The following PIK3CB variants were observed in gnomAD, a reference collection of about 807,000 sequenced individuals.
PIK3CB encodes phosphatidylinositol-4,5-bisphosphate 3-kinase catalytic subunit beta.
Under a neutral mutation model 136.8 loss-of-function variants are expected in PIK3CB, and 39 were observed. That is an observed-to-expected ratio of 0.29 (90% CI 0.22 to 0.37). PIK3CB has a LOEUF of 0.37. PIK3CB is among the 10% of genes least tolerant of loss of function. The pLI is 1.00. For missense variants in PIK3CB, 868 were observed against 1,275.4 expected, an observed-to-expected ratio of 0.68 and a Z score of 4.87; for synonymous variants, 428 against 436.6, an observed-to-expected ratio of 0.98 and a Z score of 0.25.
In PIK3CB at chr3:138,804,322, T is replaced by C. The variant is rs374416990; in HGVS notation, c.-121-7755A>G. Among the ~76,000 whole-genome samples, 5 of 152,076 alleles carry C rather than the reference T, an allele frequency of 3.3e-5. No individual in the cohort carries two copies. In the South Asian group the frequency reaches 1.0e-3, roughly 32 times the overall value. ...TGAGCCCAGGAGTTCAAGACCAGCCTGGGCAACAGAGCAAGAGCCCCTCTC... is the reference window on the plus strand; with the variant it reads ...TGAGCCCAGGAGTTCAAGACCAGCCCGGGCAACAGAGCAAGAGCCCCTCTC... On this transcript the variant is annotated intron_variant, in intron 1 of 23. Coordinates refer to ENST00000674063, the MANE Select transcript of PIK3CB (RefSeq NM_006219.3).
At chr3:138,678,866 G>C (rs2108468573) in intron 19 of PIK3CB, among the ~76,000 whole-genome samples, 1 of 152,192 alleles carries the variant, frequency 6.6e-6, no homozygotes, top group Admixed American at 6.5e-5. Flanking sequence ...AGTAGTTCGA[G>C]ACCAGCCTGG....
At chr3:138,732,720 GAAA>G (rs68137286) in intron 8 of PIK3CB, among the ~76,000 whole-genome samples, 2 of 109,298 alleles carry the variant, frequency 1.8e-5, no homozygotes, top group South Asian at 2.9e-4. Flanking sequence ...GGAAAGAAAA[GAAA>G]AAAAAAAAAA....
In PIK3CB at chr3:138,744,052, T is replaced by C. The variant is rs528066612; in HGVS notation, c.398-1271A>G. Among the ~76,000 whole-genome samples the C allele has an allele frequency of 2.0e-5, 3 of 152,262 alleles. No homozygotes were observed. In the East Asian group the frequency reaches 5.8e-4, roughly 29 times the overall value. ...CTGATTAGAAAAAAAGAAAATGTTATTAAATAAATCACAAAGAAGTGAAAA... is the reference window on the plus strand; with the variant it reads ...CTGATTAGAAAAAAAGAAAATGTTACTAAATAAATCACAAAGAAGTGAAAA... On this transcript the variant is annotated intron_variant, in intron 4 of 23. Transcript: ENST00000674063.
rs2108417739 is a variant in PIK3CB, at chr3:138,663,978, G to A, written c.2724C>T (p.Tyr908=). The change falls in exon 21 of 24, where the codon TAC becomes TAT. Residue 908 remains tyrosine, a synonymous_variant. Coordinates refer to ENST00000674063, the MANE Select transcript of PIK3CB (RefSeq NM_006219.3). ...IEEFTLSCAG[Y]CVASYVLGIG... ...TCCCAAGGACATAAGAAGCTACACA[G>A]TAGCCAGCACAGGACAGTGTAAATT... 6.2e-7 allele frequency: 1 copy of A among 1,614,060 alleles called. No homozygotes were observed.
chr3:138,771,422 G>A (rs1000940504), intron 2 of PIK3CB, among the ~76,000 whole-genome samples: 6 of 151,968 alleles, frequency 3.9e-5, no homozygotes, highest in African/African-American at 1.2e-4. Context: ...GATTTCACGT[G>A]TTAGCCAGGA....
chr3:138,679,723 T>C (rs998961344), intron 19 of PIK3CB, among the ~76,000 whole-genome samples: 3 of 150,420 alleles, frequency 2.0e-5, no homozygotes, highest in African/African-American at 4.9e-5. Context: ...GCTGGGACTA[T>C]AGGCACATGC....
intron 9 of PIK3CB, among the ~76,000 whole-genome samples, chr3:138,713,163 G>T (rs78528619): frequency 0.031 from 4,708 of 150,624 alleles, 251 homozygotes; most frequent in African/African-American, 0.11. Context: ...GTCATTAAAA[G>T]TTATTTTACT....
intron 1 of PIK3CB, among the ~76,000 whole-genome samples, chr3:138,829,512 G>A (rs1389788761): frequency 6.6e-6 from 1 of 152,128 alleles, no homozygotes; most frequent in Non-Finnish European, 1.5e-5. Flanking sequence ...TGTGCTCAAG[G>A]ATTGGCTGAG....
intron 4 of PIK3CB, among the ~76,000 whole-genome samples, chr3:138,750,925 G>A (rs1210887609): frequency 1.3e-5 from 2 of 152,052 alleles, no homozygotes; most frequent in African/African-American, 2.4e-5. Context: ...TATCACCCAC[G>A]GTCACTGGTA....
chr3:138,798,639 T>A (rs1285864285), intron 1 of PIK3CB, among the ~76,000 whole-genome samples: 2 of 152,146 alleles, frequency 1.3e-5, no homozygotes, highest in Non-Finnish European at 2.9e-5. Flanking sequence ...TATTTAAAAG[T>A]ATTTCTAACT....
intron 5 of PIK3CB, among the ~76,000 whole-genome samples, chr3:138,742,249 T>C (rs890988867): frequency 7.2e-5 from 11 of 152,200 alleles, no homozygotes; most frequent in Non-Finnish European, 1.0e-4. Context: ...CTTTTAAACA[T>C]CCCTTTACAA....
At chr3:138,731,219 C>A (rs1250176471) in intron 8 of PIK3CB, among the ~76,000 whole-genome samples, 1 of 151,958 alleles carries the variant, frequency 6.6e-6, no homozygotes, top group Non-Finnish European at 1.5e-5. Context: ...AGACCAGTAC[C>A]TTTTTTCTTA....
chr3:138,724,279 A>G (rs1326515898), intron 8 of PIK3CB, among the ~76,000 whole-genome samples: 1 of 152,232 alleles, frequency 6.6e-6, no homozygotes, highest in Non-Finnish European at 1.5e-5. Flanking sequence ...AGGATATTAC[A>G]AAGGATAGAA....
chr3:138,797,296 T>G (rs913405788), intron 1 of PIK3CB: 2 of 152,146 alleles, frequency 1.3e-5, no homozygotes, highest in Admixed American at 6.6e-5. Flanking sequence ...CATAAAAACA[T>G]TTTAAAATAA....
intron 16 of PIK3CB, among the ~76,000 whole-genome samples, chr3:138,687,947 C>T (rs1414110736): frequency 6.6e-6 from 1 of 151,964 alleles, no homozygotes; most frequent in Admixed American, 6.6e-5. Flanking sequence ...TTTCAGGGTT[C>T]TATAAAATTC....
intron 8 of PIK3CB, among the ~76,000 whole-genome samples, chr3:138,729,979 T>TA (rs2044934966): frequency 6.6e-6 from 1 of 152,188 alleles, no homozygotes; most frequent in Non-Finnish European, 1.5e-5. Context: ...AAGAAAGATG[T>TA]AAAGCTGCCA....
rs1057081814 is a variant in PIK3CB, at chr3:138,654,243, T to C, written c.*1146A>G. 1 of 214,344 alleles carries C rather than the reference T, an allele frequency of 4.7e-6. No homozygotes were observed. The highest frequency in any genetic ancestry group is 5.8e-5 in the Admixed American group (1 of 17,118). 13.3% of individuals were successfully genotyped at this position (214,344 alleles called of 1,614,324 possible). ...TGCCAGGACTCAGAGAGATCACCCATTTACACATTCAAACCAGTAGTTCCT... is the reference window on the plus strand; with the variant it reads ...TGCCAGGACTCAGAGAGATCACCCACTTACACATTCAAACCAGTAGTTCCT... On this transcript the variant is annotated 3_prime_UTR_variant, in exon 24 of 24. Transcript: ENST00000674063.
In PIK3CB at chr3:138,737,832, A is replaced by T; in HGVS notation, c.676T>A (p.Leu226Met). ...PNMNPIKVNE[L>M]AIQKRLTIHG... ...ATAGTCAAACGTTTTTGGATTGCCAATTCATTTACTTTGATAGGATTCATA... is the reference window on the plus strand; with the variant it reads ...ATAGTCAAACGTTTTTGGATTGCCATTTCATTTACTTTGATAGGATTCATA... Residue 226 changes from leucine to methionine, a missense_variant, in exon 6 of 24, where the codon TTG becomes ATG. Physicochemically the swap from Leu to Met is conservative, Grantham distance 15. Coordinates refer to ENST00000674063, the MANE Select transcript of PIK3CB (RefSeq NM_006219.3). 6.2e-7 allele frequency: 1 copy of T among 1,610,142 alleles called. No individual in the cohort carries two copies. The highest frequency in any genetic ancestry group is 8.5e-7 in the Non-Finnish European group (1 of 1,177,796).
intron 2 of PIK3CB, among the ~76,000 whole-genome samples, chr3:138,770,927 G>C (rs1332044976): frequency 6.6e-6 from 1 of 152,022 alleles, no homozygotes; most frequent in East Asian, 2.0e-4. Flanking sequence ...GGCCAGGCTA[G>C]TCTTGAACTC....
Sources: gnomAD v4.1 joint callset for allele counts (sites outside exome capture counted in the v4.1 genomes callset) on GRCh38, gnomAD v4.1.1 for gene constraint, MANE v1.5 for transcripts, NCBI Gene and HGNC (gene_info 2026-07-23, HGNC 2026-07-21) for gene names.